Variants in ANO9 observed in about 807,000 individuals in gnomAD.
ANO9 encodes the protein anoctamin-9.
ANO9 carries 80 observed loss-of-function variants against 100.5 expected under a neutral mutation model. The ratio of observed to expected loss-of-function variants is 0.80; its 90% confidence interval spans 0.66 to 0.96. The LOEUF is 0.96. Ranked by LOEUF, ANO9 falls within the 40% of genes least tolerant of loss-of-function variation. The probability of loss-of-function intolerance (pLI) is 0.00; values close to 1 mark genes in which losing one functional copy is unlikely to be tolerated. For synonymous variants in ANO9, 473 were observed against 435.6 expected, an observed-to-expected ratio of 1.09 and a Z score of -1.07; for missense variants, 1,064 against 1,072.7, an observed-to-expected ratio of 0.99 and a Z score of 0.11.
In ANO9 at chr11:420,802, C is replaced by A. The variant is rs758616510; in HGVS notation, c.1549G>T (p.Asp517Tyr). The A allele has an allele frequency of 6.3e-6, 10 of 1,596,532 alleles. No individual in the cohort carries two copies. The highest frequency in any genetic ancestry group is 2.3e-5 in the East Asian group (1 of 44,396). Reference protein sequence around the residue: ...RASESGHLPRDPELRDWRRNY... With the variant: ...RASESGHLPRYPELRDWRRNY... Reference sequence around the variant, plus strand: ...CGCCGCCAGTCCCTGAGCTCGGGGTCCCGGGGCAGGTGCCCGGACTCGGAG... The same window carrying A: ...CGCCGCCAGTCCCTGAGCTCGGGGTACCGGGGCAGGTGCCCGGACTCGGAG... The change falls in exon 18 of 23, where the codon GAC becomes TAC. Residue 517 changes from aspartate (D) to tyrosine (Y), a missense_variant. Transcript: ENST00000332826.
rs1848250546 is a variant in ANO9 at position 422,428 on chromosome 11, G to A, written c.1335-1230C>T. Among the ~76,000 whole-genome samples, 1 of 152,212 alleles carries A rather than the reference G, an allele frequency of 6.6e-6. No homozygotes were observed. Among genetic ancestry groups the A allele is most frequent in the African/African-American group, 2.4e-5 (1 of 41,448 alleles). On this transcript the variant is annotated intron_variant, in intron 15 of 22. Coordinates refer to ENST00000332826, the MANE Select transcript of ANO9 (RefSeq NM_001012302.3). This position sits in a 1 kb window ranked among gnomAD's most constrained non-coding sequence, Gnocchi z 4.3. ...TGCTAATCAGCTGACTTTAAGACGG[G>A]GAGATTATCTTGGGTTATCTGGGTT...
Position 418,538 on chromosome 11 carries a change from G to A in ANO9, c.2182C>T (p.Pro728Ser). Residue 728 changes from proline to serine, a missense_variant, in exon 23 of 23, where the codon CCT becomes TCT. By Grantham distance (74) the Pro-to-Ser change is moderately conservative (BLOSUM62 -1). Transcript: ENST00000332826. ...LIAAWFVPDI[P>S]QSVKNKVLEV... ...AGAACCTTGTTCTTCACCGACTGAG[G>A]GATGTCGGGCACGAACCAGGCGGCG... 6.2e-7 allele frequency: 1 copy of A among 1,613,144 alleles called. No individual in the cohort carries two copies. Among genetic ancestry groups the A allele is most frequent in the Non-Finnish European group, 8.5e-7 (1 of 1,180,016 alleles).
Position 429,812 on chromosome 11 carries a change from G to A in ANO9, c.778C>T (p.His260Tyr), listed in dbSNP as rs745806187. 2 of 1,603,072 alleles carry A rather than the reference G, an allele frequency of 1.2e-6. No homozygotes were observed. The highest frequency in any genetic ancestry group is 2.2e-5 in the South Asian group (2 of 90,190). ...ACCGTGCCATCATTGTCAAAGAGGTGGGTGAGCTGGGGGGGTGATAGGTGG... is the reference window on the plus strand; with the variant it reads ...ACCGTGCCATCATTGTCAAAGAGGTAGGTGAGCTGGGGGGGTGATAGGTGG... ...SETCTFAKLT[H>Y]LFDNDGTVVF... is the part of the protein sequence containing the mutation. The change falls in exon 10 of 23, where the codon CAC (histidine) becomes TAC (tyrosine). Residue 260 changes from histidine (H) to tyrosine (Y), a missense_variant. Transcript: ENST00000332826.
chr11:421,221 G>A lies in ANO9; in HGVS notation c.1335-23C>T. The stretch of plus-strand genomic sequence containing the variant: ...ATCCTGGGGAGGAAGGGGAAGTCTG[G>A]GGCACTGCGGGCAGCGCCCTGCCTC... On this transcript the variant is annotated intron_variant, in intron 15 of 22. Transcript: ENST00000332826. This position sits in a 1 kb window ranked among gnomAD's most constrained non-coding sequence, Gnocchi z 6.8. The A allele has an allele frequency of 6.6e-7, 1 of 1,507,174 alleles. No individual in the cohort carries two copies. The highest frequency in any genetic ancestry group is 1.3e-5 in the South Asian group (1 of 75,268). 93.4% of individuals were successfully genotyped at this position (1,507,174 alleles called of 1,614,324 possible).
intron 15 of ANO9, among the ~76,000 whole-genome samples, chr11:426,326 C>T (rs936635737): frequency 1.3e-5 from 2 of 152,062 alleles, no homozygotes; most frequent in Non-Finnish European, 2.9e-5. Flanking sequence ...TCCCGTAGCA[C>T]GTTGGGAGGC....
At chr11:437,296 A>G (rs941340254) in intron 1 of ANO9, among the ~76,000 whole-genome samples, 1 of 152,126 alleles carries the variant, frequency 6.6e-6, no homozygotes, top group Non-Finnish European at 1.5e-5. Flanking sequence ...CTGGTGCTGA[A>G]AAGGTTGGGG....
At chr11:435,281 CTAGTCTAGCA>C (rs1260176981) in intron 1 of ANO9, among the ~76,000 whole-genome samples, 3 of 150,564 alleles carry the variant, frequency 2.0e-5, no homozygotes, top group South Asian at 2.1e-4. Context: ...CTAGTCTAGT[CTAGTCTAGCA>C]TAGCATAGCA....
At chr11:437,702 C>G (rs1330304623) in intron 1 of ANO9, among the ~76,000 whole-genome samples, 1 of 152,188 alleles carries the variant, frequency 6.6e-6, no homozygotes. Flanking sequence ...CTGGGGGGGA[C>G]TGGTGGTCTG....
At chr11:433,972 A>G (rs1245125708) in intron 2 of ANO9, 35 bp from the exon 3 acceptor site, 4 of 1,552,714 alleles carry the variant, frequency 2.6e-6, no homozygotes, top group African/African-American at 2.7e-5. Context: ...GGCGCAGGTG[A>G]AGGGGCAGAG....
At position 421,215 on chromosome 11, in the gene ANO9, A is replaced by G; in HGVS notation, c.1335-17T>C. ...CCGTTGATCCTGGGGAGGAAGGGGA[A>G]GTCTGGGGCACTGCGGGCAGCGCCC... On this transcript the variant is annotated splice_polypyrimidine_tract_variant and intron_variant, in intron 15 of 22. Transcript: ENST00000332826. The surrounding 1 kb of genome is among the most constrained non-coding windows in gnomAD (Gnocchi z 6.8). 1.3e-6 allele frequency: 2 copies of G among 1,521,872 alleles called. No individual in the cohort carries two copies. The highest frequency in any genetic ancestry group is 4.7e-5 in the East Asian group (2 of 42,982). The allele number at this position is 1,521,872 out of a possible 1,614,324, so 94.3% of individuals were successfully genotyped here.
intron 9 of ANO9, 50 bp from the exon 10 acceptor site, chr11:429,868 G>C (rs569610510): frequency 1.3e-6 from 2 of 1,514,240 alleles, no homozygotes; most frequent in Middle Eastern, 2.1e-4. Context: ...GCTGGGGAGG[G>C]GGGCAGGTGA....
chr11:437,152 A>G (rs916706787), intron 1 of ANO9, among the ~76,000 whole-genome samples: 2 of 151,694 alleles, frequency 1.3e-5, no homozygotes, highest in Non-Finnish European at 2.9e-5. Context: ...CCCATTGTGC[A>G]CTGCGCATGC....
rs778954042 is a variant in ANO9, at chr11:430,300, C to T, written c.643G>A (p.Gly215Arg). ...TGGCTGGCCTCAAACAGCGAGAATC[C>T]GCTCAGAAAGACTAAGAGGCCCGTC... ...ALTGLLVFLS[G>R]FSLFEASQIS... Residue 215 changes from glycine to arginine, a missense_variant, in exon 8 of 23, where the codon GGA (glycine) becomes AGA (arginine). Transcript: ENST00000332826. The T allele has an allele frequency of 1.0e-5, 16 of 1,598,626 alleles. No homozygotes were observed. The highest frequency in any genetic ancestry group is 1.7e-4 in the Middle Eastern group (1 of 6,058).
At chr11:434,972 C>T (rs1849335382) in intron 1 of ANO9, among the ~76,000 whole-genome samples, 1 of 152,212 alleles carries the variant, frequency 6.6e-6, no homozygotes, top group Non-Finnish European at 1.5e-5. Context: ...CCTGCCTCCT[C>T]CAGAAAGTCT....
At chr11:419,852 T>G in intron 19 of ANO9, 123 bp from the exon 20 acceptor site, 1 of 1,474,240 alleles carries the variant, frequency 6.8e-7, no homozygotes, top group Non-Finnish European at 8.9e-7. Flanking sequence ...CTTGCAGCCC[T>G]AGGGCTGCAG....
chr11:430,016 C>T (rs1564920078), intron 9 of ANO9, 67 bp downstream of exon 9: 1 of 1,507,086 alleles, frequency 6.6e-7, no homozygotes, highest in East Asian at 2.5e-5. Context: ...CTTGATCTCC[C>T]CCGCTTCGGG....
intron 20 of ANO9, 104 bp from the exon 21 acceptor site, chr11:419,093 G>C: frequency 1.3e-6 from 2 of 1,565,502 alleles, no homozygotes; most frequent in Non-Finnish European, 1.7e-6. Flanking sequence ...CAGTGAGGTG[G>C]GGGCCACGCC....
At chr11:431,930 CAG>C (rs1564924461) in intron 5 of ANO9, 24 bp from the exon 6 acceptor site, 1 of 1,611,576 alleles carries the variant, frequency 6.2e-7, no homozygotes, top group Admixed American at 1.7e-5. Flanking sequence ...GTTCACGAGT[CAG>C]GGGGAGTGAG....
intron 9 of ANO9, 132 bp downstream of exon 9, chr11:429,951 G>A: frequency 7.9e-7 from 1 of 1,270,446 alleles, no homozygotes. Context: ...GGCTGGGGCT[G>A]GGCCTCCCCG....
Sources: gnomAD v4.1 joint callset for allele counts (sites outside exome capture counted in the v4.1 genomes callset) on GRCh38, gnomAD v4.1.1 for gene constraint, Gnocchi (gnomAD v3.1) non-coding constraint, MANE v1.5 for transcripts, NCBI Gene and HGNC (gene_info 2026-07-23, HGNC 2026-07-21) for gene names.